NEGR1: variants seen among roughly 807,000 people sequenced by gnomAD.
NEGR1 encodes the protein IgLON family member 4.
Under a neutral mutation model 40.9 loss-of-function variants are expected in NEGR1, and 10 were observed. The observed-to-expected ratio is 0.24, with a 90% confidence interval of 0.15 to 0.42. NEGR1 has a LOEUF of 0.42. Among genes scored for constraint, NEGR1 ranks in the 10% least tolerant of loss-of-function variants. The pLI is 1.00. For synonymous variants in NEGR1, 185 were observed against 166.8 expected (o/e 1.11, Z -0.84); for missense variants, 352 against 438.9 (o/e 0.80, Z 1.77).
At chr1:72,019,017 T>C (rs1280137616) in intron 1 of NEGR1, among the ~76,000 whole-genome samples, 1 of 152,054 alleles carries the variant, frequency 6.6e-6, no homozygotes, top group Non-Finnish European at 1.5e-5. Context: ...GATGGTCACA[T>C]TGGAAATCAA....
At chr1:71,442,947 G>A (rs1415120938) in intron 6 of NEGR1, among the ~76,000 whole-genome samples, 1 of 152,180 alleles carries the variant, frequency 6.6e-6, no homozygotes, top group Non-Finnish European at 1.5e-5. Flanking sequence ...AGACTCTAGT[G>A]TGTTTAGGTT....
chr1:71,642,196 C>T (rs779028062), intron 4 of NEGR1, among the ~76,000 whole-genome samples: 34 of 151,960 alleles, frequency 2.2e-4, no homozygotes, highest in Non-Finnish European at 3.2e-4. Flanking sequence ...CACTGCCAAA[C>T]TCTCAGCTGT....
At chr1:71,726,983 G>A (rs900040046) in intron 3 of NEGR1, among the ~76,000 whole-genome samples, 3 of 152,142 alleles carry the variant, frequency 2.0e-5, no homozygotes, top group South Asian at 4.1e-4. Context: ...ACCCTCTTAG[G>A]TTCAGCAAAT....
At chr1:72,048,307 T>C (rs553858161) in intron 1 of NEGR1, among the ~76,000 whole-genome samples, 337 of 151,810 alleles carry the variant, frequency 2.2e-3, no homozygotes, top group African/African-American at 7.8e-3. Context: ...TTAGAGTTTG[T>C]TTCAATCACA....
At position 72,046,658 on chromosome 1, in the gene NEGR1, A is replaced by T. The variant is rs570934783; in HGVS notation, c.177-111347T>A. 5.3e-5 allele frequency among the ~76,000 whole-genome samples: 8 copies of T among 151,750 alleles called. No individual in the cohort carries two copies. The South Asian group carries it at 1.2e-3, about 24-fold the overall frequency. On this transcript the variant is annotated intron_variant, in intron 1 of 6. Transcript: ENST00000357731. ...GACAAACAAATCTAAGGACACTAAA[A>T]AGTAAACCTATTTCCAATGGTAATG...
chr1:72,190,313 T>C (rs1011190668), intron 1 of NEGR1, among the ~76,000 whole-genome samples: 1 of 151,654 alleles, frequency 6.6e-6, no homozygotes, highest in African/African-American at 2.4e-5. Flanking sequence ...TGTGTATATA[T>C]GTTTACTTCT....
chr1:72,128,006 AAACT>A (rs1650097663), intron 1 of NEGR1, among the ~76,000 whole-genome samples: 1 of 152,182 alleles, frequency 6.6e-6, no homozygotes, highest in Non-Finnish European at 1.5e-5. Flanking sequence ...AAAATGAATA[AAACT>A]AATATAACTA....
chr1:71,487,169 C>T (rs1333813108), intron 6 of NEGR1: 2 of 151,310 alleles, frequency 1.3e-5, no homozygotes, highest in African/African-American at 4.9e-5. Context: ...AGATGTAATC[C>T]CTAGTAATCA....
At chr1:72,195,752 G>A (rs1182041477) in intron 1 of NEGR1, among the ~76,000 whole-genome samples, 1 of 151,852 alleles carries the variant, frequency 6.6e-6, no homozygotes, top group Non-Finnish European at 1.5e-5. Context: ...ATTTAGGAAT[G>A]ATTGATACCT....
At chr1:71,814,107 A>G (rs1658108722) in intron 2 of NEGR1, among the ~76,000 whole-genome samples, 1 of 152,130 alleles carries the variant, frequency 6.6e-6, no homozygotes, top group South Asian at 2.1e-4. Context: ...TGTTCCATCA[A>G]TACCTAGATT....
chr1:72,207,427 T>C (rs1653450507), intron 1 of NEGR1, among the ~76,000 whole-genome samples: 1 of 151,788 alleles, frequency 6.6e-6, no homozygotes, highest in South Asian at 2.1e-4. Context: ...AAGTCTTCTT[T>C]TTATATATAG....
At chr1:71,825,018 G>A (rs1236047259) in intron 2 of NEGR1, among the ~76,000 whole-genome samples, 2 of 151,748 alleles carry the variant, frequency 1.3e-5, no homozygotes, top group African/African-American at 2.4e-5. Context: ...AAATATCTAG[G>A]TGTGGAATTT....
intron 3 of NEGR1, among the ~76,000 whole-genome samples, chr1:71,749,928 T>C (rs1396698350): frequency 6.6e-6 from 1 of 151,868 alleles, no homozygotes; most frequent in South Asian, 2.1e-4. Context: ...CAGACACATA[T>C]AAAAATGCCT....
chr1:72,161,042 G>A (rs1422575874), intron 1 of NEGR1, among the ~76,000 whole-genome samples: 2 of 152,120 alleles, frequency 1.3e-5, no homozygotes, highest in Admixed American at 6.6e-5. Flanking sequence ...CATATTTACT[G>A]AGTTGTATGT....
At chr1:71,751,802 C>T (rs1173941177) in intron 3 of NEGR1, among the ~76,000 whole-genome samples, 3 of 151,992 alleles carry the variant, frequency 2.0e-5, no homozygotes, top group Non-Finnish European at 2.9e-5. Flanking sequence ...CACATTTTCT[C>T]CATCAATAGA....
intron 1 of NEGR1, among the ~76,000 whole-genome samples, chr1:72,163,144 G>T (rs1216616083): frequency 6.6e-6 from 1 of 152,096 alleles, no homozygotes; most frequent in Non-Finnish European, 1.5e-5. Context: ...TTGTTGCAGT[G>T]CAGTTATTTA....
intron 3 of NEGR1, among the ~76,000 whole-genome samples, chr1:71,749,372 C>T (rs1260597326): frequency 6.6e-6 from 1 of 152,100 alleles, no homozygotes; most frequent in Non-Finnish European, 1.5e-5. Context: ...TTACCTAAAC[C>T]TCAGTTGTTA....
At chr1:71,836,859 G>C (rs183521001) in intron 2 of NEGR1, 1 of 151,950 alleles carries the variant, frequency 6.6e-6, no homozygotes, top group Non-Finnish European at 1.5e-5. Flanking sequence ...CCCTTCAGAG[G>C]CACATAACTA....
chr1:71,603,032 T>G (rs1649973303), intron 5 of NEGR1, among the ~76,000 whole-genome samples: 1 of 152,186 alleles, frequency 6.6e-6, no homozygotes. Context: ...AATAAAATAA[T>G]AAACAACATA....
Sources: gnomAD v4.1 joint callset for allele counts (sites outside exome capture counted in the v4.1 genomes callset) on GRCh38, gnomAD v4.1.1 for gene constraint, MANE v1.5 for transcripts, NCBI Gene and HGNC (gene_info 2026-07-23, HGNC 2026-07-21) for gene names.